The following DCBLD2 variants were observed in gnomAD, a reference collection of about 807,000 sequenced individuals.
The protein encoded by DCBLD2 is discoidin, CUB and LCCL domain containing 2, also known as discoidin, CUB and LCCL domain-containing protein 2.
DCBLD2 carries 54 observed loss-of-function variants against 86.8 expected under a neutral mutation model. That is an observed-to-expected ratio of 0.62 (90% CI 0.50 to 0.78). DCBLD2 has a LOEUF of 0.78. Ranked by LOEUF, DCBLD2 falls within the 30% of genes least tolerant of loss-of-function variation. The probability of loss-of-function intolerance (pLI) is 0.00; values close to 1 mark genes in which losing one functional copy is unlikely to be tolerated. For missense variants in DCBLD2, 908 were observed against 954.2 expected, an observed-to-expected ratio of 0.95 and a Z score of 0.64; for synonymous variants, 354 against 341.3, an observed-to-expected ratio of 1.04 and a Z score of -0.41.
intron 1 of DCBLD2, among the ~76,000 whole-genome samples, chr3:98,884,439 G>T (rs1333058417): frequency 1.3e-5 from 2 of 150,586 alleles, no homozygotes; most frequent in Non-Finnish European, 3.0e-5. Context: ...CCTGAAACTG[G>T]CATGAAAATA....
intron 13 of DCBLD2, among the ~76,000 whole-genome samples, chr3:98,802,444 C>T (rs1941745766): frequency 6.6e-6 from 1 of 151,768 alleles, no homozygotes; most frequent in African/African-American, 2.4e-5. Context: ...TTTGTAGATT[C>T]TGGATATTAG....
intron 3 of DCBLD2, among the ~76,000 whole-genome samples, chr3:98,844,169 A>G (rs1443921654): frequency 6.6e-6 from 1 of 152,120 alleles, no homozygotes; most frequent in African/African-American, 2.4e-5. Flanking sequence ...TACAACTTAA[A>G]AAATTCGTCA....
In DCBLD2 at chr3:98,860,322, T is replaced by G. The variant is rs577925887; in HGVS notation, c.434-10724A>C. Among the ~76,000 whole-genome samples, 1,015 of 152,298 alleles carry G rather than the reference T, an allele frequency of 6.7e-3. 14 individuals are homozygous for G. The highest frequency in any genetic ancestry group is 0.023 in the African/African-American group (976 of 41,556). On this transcript the variant is annotated intron_variant, in intron 2 of 15. Coordinates refer to ENST00000326840, the MANE Select transcript of DCBLD2 (RefSeq NM_080927.4). ...TCTGCAGGATATTATCCAGGAGAAC[T>G]TCCCCAACCTAGCAAGGCAGGCCAA...
At chr3:98,809,988 CA>C (rs1650023916) in intron 12 of DCBLD2, among the ~76,000 whole-genome samples, 1 of 152,114 alleles carries the variant, frequency 6.6e-6, no homozygotes, top group Admixed American at 6.6e-5. Flanking sequence ...TTCTTAGGTT[CA>C]AAAAATAAAT....
chr3:98,850,513 TA>T (rs1942816558), intron 2 of DCBLD2, among the ~76,000 whole-genome samples: 1 of 152,228 alleles, frequency 6.6e-6, no homozygotes. Context: ...TCTAAGATAC[TA>T]AGATAAAAAG....
rs374156004 is a variant in DCBLD2 at position 98,820,595 on chromosome 3, T to C, written c.831-307A>G. The stretch of plus-strand genomic sequence containing the variant: ...TTCTTTTTCATATGTATTTACTCAT[T>C]GTTTACTGTCAATCTCTCACTACTT... On this transcript the variant is annotated intron_variant, in intron 6 of 15. Transcript: ENST00000326840. Among the ~76,000 whole-genome samples, 78 of 152,342 alleles carry C rather than the reference T, an allele frequency of 5.1e-4. 1 individual carries two copies. In the South Asian group the frequency reaches 0.012, roughly 24 times the overall value.
chr3:98,806,582 G>A (rs1035358826), intron 13 of DCBLD2, among the ~76,000 whole-genome samples: 2 of 151,976 alleles, frequency 1.3e-5, no homozygotes, highest in African/African-American at 4.8e-5. Context: ...TTACAGCTGG[G>A]AGTTTTTTTT....
chr3:98,829,641 TACC>T (rs1349067505), intron 3 of DCBLD2, among the ~76,000 whole-genome samples: 5 of 152,362 alleles, frequency 3.3e-5, no homozygotes, highest in East Asian at 1.9e-4. Flanking sequence ...AGTGTATATG[TACC>T]ACATTTTCTT....
intron 6 of DCBLD2, chr3:98,820,904 A>C (rs1942109665): frequency 1.3e-5 from 2 of 150,990 alleles, no homozygotes; most frequent in Non-Finnish European, 3.0e-5. Context: ...AGTATGAAAG[A>C]GAGAATTCAC....
intron 9 of DCBLD2, chr3:98,816,081 A>G (rs1576160342): frequency 6.6e-6 from 1 of 151,714 alleles, no homozygotes; most frequent in East Asian, 1.9e-4. Flanking sequence ...ACATCAATCA[A>G]ACTGCTTAAA....
chr3:98,812,371 T>C lies in DCBLD2; in HGVS notation c.1324A>G (p.Met442Val). The change falls in exon 10 of 16, where the codon ATG (methionine) becomes GTG (valine). Residue 442 changes from methionine to valine, a missense_variant. By Grantham distance (21) the Met-to-Val change is conservative (BLOSUM62 1). This residue lies in a region of DCBLD2 where 606 missense variants were observed against 678.5 expected (regional missense o/e 0.89). Coordinates refer to ENST00000326840, the MANE Select transcript of DCBLD2 (RefSeq NM_080927.4). ...TGACATCCGAGCAGCTCCATTTTCA[T>C]GGCAATTTTCTGCTGCCATTGGGTA... ...NPTQWQQKIA[M>V]KMELLGCQFI... 6.2e-7 allele frequency: 1 copy of C among 1,613,574 alleles called. No individual in the cohort carries two copies. Among genetic ancestry groups the C allele is most frequent in the Non-Finnish European group, 8.5e-7 (1 of 1,179,646 alleles).
chr3:98,816,059 T>C (rs1477332351), intron 9 of DCBLD2: 1 of 124,164 alleles, frequency 8.1e-6, no homozygotes, highest in Non-Finnish European at 1.8e-5. Flanking sequence ...AGAAGAAAAA[T>C]ATAAAAAAGC....
In DCBLD2 at chr3:98,799,808, C is replaced by A; in HGVS notation, c.1892G>T (p.Gly631Val). The change falls in exon 16 of 16, where the codon GGT (glycine) becomes GTT (valine). Residue 631 changes from glycine to valine, a missense_variant. Coordinates refer to ENST00000326840, the MANE Select transcript of DCBLD2 (RefSeq NM_080927.4). ...AAAGGTAGATCTTTGATGAAGTGTA[C>A]CAACAATTCCTCCTACCAGTGGCTG... The part of the protein sequence containing the change: ...YAQPLVGGIV[G>V]TLHQRSTFKP... The A allele has an allele frequency of 6.2e-7, 1 of 1,613,032 alleles. No individual in the cohort carries two copies. The highest frequency in any genetic ancestry group is 1.1e-5 in the South Asian group (1 of 90,942).
At chr3:98,834,806 C>T (rs1400139249) in intron 3 of DCBLD2, among the ~76,000 whole-genome samples, 2 of 152,222 alleles carry the variant, frequency 1.3e-5, no homozygotes, top group South Asian at 2.1e-4. Context: ...AGATGTTATC[C>T]TAAAAAGTTA....
At chr3:98,887,084 T>C (rs868260109) in intron 1 of DCBLD2, among the ~76,000 whole-genome samples, 1 of 151,978 alleles carries the variant, frequency 6.6e-6, no homozygotes, top group African/African-American at 2.4e-5. Flanking sequence ...AATATGAACA[T>C]TGTGATTTCC....
chr3:98,822,312 G>A lies in DCBLD2; in HGVS notation c.746C>T (p.Thr249Met), dbSNP rs747492072. ...TACAACACTGATTTGGCCGCCCAAC[G>A]TGTTTGACACTACTCCTGCATGCAC... ...AGVHAGVVSN[T>M]LGGQISVVIS... is the part of the protein sequence containing the mutation. Residue 249 changes from threonine (T) to methionine (M), a missense_variant, in exon 6 of 16, where the codon ACG becomes ATG. By Grantham distance (81) the Thr-to-Met change is moderately conservative. Transcript: ENST00000326840. The A allele has an allele frequency of 1.3e-5, 21 of 1,613,820 alleles. No individual in the cohort carries two copies. The highest frequency in any genetic ancestry group is 8.9e-5 in the East Asian group (4 of 44,892).
intron 3 of DCBLD2, among the ~76,000 whole-genome samples, chr3:98,839,105 CT>C (rs1553726959): frequency 1.9e-5 from 2 of 106,916 alleles, no homozygotes; most frequent in African/African-American, 6.3e-5. Context: ...GTGCTCCCTT[CT>C]TTCTTTCTTT....
chr3:98,853,718 C>G (rs569300540), intron 2 of DCBLD2, among the ~76,000 whole-genome samples: 3 of 152,324 alleles, frequency 2.0e-5, no homozygotes, highest in Non-Finnish European at 4.4e-5. Flanking sequence ...GCATCTGACT[C>G]TGATAAACCA....
intron 2 of DCBLD2, among the ~76,000 whole-genome samples, chr3:98,868,626 T>A (rs1269111783): frequency 1.3e-5 from 2 of 152,050 alleles, no homozygotes; most frequent in African/African-American, 4.8e-5. Context: ...CCTTTCTGAG[T>A]CTCCGATGTC....
Sources: gnomAD v4.1 joint callset for allele counts (sites outside exome capture counted in the v4.1 genomes callset) on GRCh38, gnomAD v4.1.1 for gene constraint, gnomAD v4.1.1 regional missense constraint, MANE v1.5 for transcripts, NCBI Gene and HGNC (gene_info 2026-07-23, HGNC 2026-07-21) for gene names.